The following CHST11 variants were observed in gnomAD, a reference collection of about 807,000 sequenced individuals.
CHST11 encodes carbohydrate sulfotransferase 11, also known as C4S-1.
In CHST11, 9 loss-of-function variants were observed where a neutral mutation model predicts 30.4. That is an observed-to-expected ratio of 0.30 (90% CI 0.18 to 0.52). CHST11 has a LOEUF of 0.52. CHST11 is among the 20% of genes least tolerant of loss of function. CHST11 has a pLI of 0.97. For missense variants in CHST11, 348 were observed against 460.6 expected (o/e 0.76, Z 2.24); for synonymous variants, 152 against 187.8 (o/e 0.81, Z 1.56).
intron 1 of CHST11, among the ~76,000 whole-genome samples, chr12:104,532,261 T>G (rs2038192891): frequency 6.6e-6 from 1 of 152,188 alleles, no homozygotes; most frequent in African/African-American, 2.4e-5. Context: ...TCCCTCTCCC[T>G]TTTGACTGGC....
intron 2 of CHST11, among the ~76,000 whole-genome samples, chr12:104,722,080 C>T (rs2040181499): frequency 6.6e-6 from 1 of 151,898 alleles, no homozygotes; most frequent in African/African-American, 2.4e-5. Context: ...CCTGGACCTC[C>T]CAGGCTCAAA....
intron 2 of CHST11, among the ~76,000 whole-genome samples, chr12:104,611,396 A>G (rs899496242): frequency 1.4e-4 from 22 of 152,214 alleles, no homozygotes; most frequent in African/African-American, 5.1e-4. Context: ...GGTCTGTAAA[A>G]TGCCCCGTTG....
intron 1 of CHST11, among the ~76,000 whole-genome samples, chr12:104,596,343 G>A (rs1442306741): frequency 2.6e-5 from 4 of 152,216 alleles, no homozygotes; most frequent in African/African-American, 9.6e-5. Context: ...CCGGAGATTT[G>A]GAAAGTGTCC....
intron 2 of CHST11, among the ~76,000 whole-genome samples, chr12:104,611,872 C>T (rs932899229): frequency 3.3e-5 from 5 of 152,242 alleles, no homozygotes; most frequent in Admixed American, 1.3e-4. Flanking sequence ...GACTAGTGTG[C>T]GACAGGTGTG....
At chr12:104,599,018 G>T (rs1273599469) in intron 1 of CHST11, among the ~76,000 whole-genome samples, 1 of 152,188 alleles carries the variant, frequency 6.6e-6, no homozygotes, top group Non-Finnish European at 1.5e-5. Flanking sequence ...GCGCGGAGGG[G>T]TTATCTGTAA....
intron 1 of CHST11, among the ~76,000 whole-genome samples, chr12:104,498,368 A>G (rs1326433141): frequency 1.3e-5 from 2 of 152,228 alleles, no homozygotes; most frequent in Non-Finnish European, 2.9e-5. Flanking sequence ...TTCCCCAAGC[A>G]TATGGGTCCA....
At chr12:104,692,884 A>C (rs1334789880) in intron 2 of CHST11, among the ~76,000 whole-genome samples, 2 of 151,200 alleles carry the variant, frequency 1.3e-5, no homozygotes, top group East Asian at 1.9e-4. Flanking sequence ...CCATTAAAAA[A>C]AAAAAACAAA....
chr12:104,634,246 G>A (rs559218889), intron 2 of CHST11, among the ~76,000 whole-genome samples: 2 of 152,296 alleles, frequency 1.3e-5, no homozygotes, highest in South Asian at 4.1e-4. Context: ...AATCCCCAGT[G>A]CATAGTAGGC....
chr12:104,728,116 TCAGGAG>T (rs2040230249), intron 2 of CHST11, among the ~76,000 whole-genome samples: 1 of 152,220 alleles, frequency 6.6e-6, no homozygotes, highest in Admixed American at 6.5e-5. Context: ...ATTCTCTACA[TCAGGAG>T]AGTCTTCACT....
chr12:104,582,683 G>A (rs575614243), intron 1 of CHST11, among the ~76,000 whole-genome samples: 3 of 151,918 alleles, frequency 2.0e-5, no homozygotes, highest in East Asian at 1.9e-4. Flanking sequence ...ACTGTGTACC[G>A]TTGGCAAGAA....
intron 2 of CHST11, among the ~76,000 whole-genome samples, chr12:104,746,933 A>C (rs963337685): frequency 6.6e-6 from 1 of 152,180 alleles, no homozygotes; most frequent in African/African-American, 2.4e-5. Context: ...TACTGAATGA[A>C]AAGTCCCCTA....
chr12:104,652,344 G>C (rs147789224), intron 2 of CHST11, among the ~76,000 whole-genome samples: 3 of 152,328 alleles, frequency 2.0e-5, no homozygotes, highest in East Asian at 3.9e-4. Flanking sequence ...GCAGCTCCCC[G>C]ATGAGTTGAG....
intron 2 of CHST11, among the ~76,000 whole-genome samples, chr12:104,755,102 G>C (rs185141640): frequency 2.0e-4 from 31 of 152,278 alleles, no homozygotes; most frequent in African/African-American, 6.7e-4. Flanking sequence ...AAACTCATCA[G>C]TGGCCCTACT....
intron 1 of CHST11, among the ~76,000 whole-genome samples, chr12:104,481,601 G>A (rs1390025211): frequency 6.6e-6 from 1 of 152,028 alleles, no homozygotes; most frequent in Non-Finnish European, 1.5e-5. Flanking sequence ...CGTCGATGGG[G>A]GGCAACGATA....
At chr12:104,536,563 T>G (rs2038239158) in intron 1 of CHST11, among the ~76,000 whole-genome samples, 1 of 152,226 alleles carries the variant, frequency 6.6e-6, no homozygotes, top group Non-Finnish European at 1.5e-5. Flanking sequence ...TTCTCTTCCT[T>G]TGATCGGGAG....
intron 1 of CHST11, among the ~76,000 whole-genome samples, chr12:104,514,898 C>T (rs1449931130): frequency 6.6e-6 from 1 of 152,154 alleles, no homozygotes; most frequent in Non-Finnish European, 1.5e-5. Flanking sequence ...CACTTTGTGC[C>T]TCAGTTTCCT....
At chr12:104,697,343 AAAG>A (rs1592844821) in intron 2 of CHST11, among the ~76,000 whole-genome samples, 1 of 152,234 alleles carries the variant, frequency 6.6e-6, no homozygotes, top group East Asian at 1.9e-4. Flanking sequence ...TAGACTGAGT[AAAG>A]AAGAGCTTCC....
At chr12:104,619,598 C>G (rs1386251137) in intron 2 of CHST11, among the ~76,000 whole-genome samples, 1 of 152,150 alleles carries the variant, frequency 6.6e-6, no homozygotes, top group Non-Finnish European at 1.5e-5. Context: ...TTCGGGGTCT[C>G]TTTCCTAATT....
In CHST11 at chr12:104,720,369, G is replaced by A. The variant is rs142095607; in HGVS notation, c.205-36580G>A. ...ACAGCCTCACGATCGTGAGAGGCAG[G>A]GCTGGGACTCATGGCGTCCAAGGCG... On this transcript the variant is annotated intron_variant, in intron 2 of 2. Transcript: ENST00000303694. Among the ~76,000 whole-genome samples, 12 of 152,352 alleles carry A rather than the reference G, an allele frequency of 7.9e-5. No homozygotes were observed. In the East Asian group the frequency reaches 2.3e-3, roughly 29 times the overall value.
Sources: gnomAD v4.1 joint callset for allele counts (sites outside exome capture counted in the v4.1 genomes callset) on GRCh38, gnomAD v4.1.1 for gene constraint, MANE v1.5 for transcripts, NCBI Gene and HGNC (gene_info 2026-07-23, HGNC 2026-07-21) for gene names.